The following UBR1 variants were observed in gnomAD, a reference collection of about 807,000 sequenced individuals.
The protein encoded by UBR1 is ubiquitin protein ligase E3 component n-recognin 1.
Under a neutral mutation model 242.1 loss-of-function variants are expected in UBR1, and 102 were observed. The observed-to-expected ratio is 0.42, with a 90% CI of 0.36 to 0.50. The LOEUF is 0.50. UBR1 is among the 20% of genes least tolerant of loss of function. UBR1 has a pLI of 0.01. For synonymous variants in UBR1, 675 were observed against 684.8 expected, an observed-to-expected ratio of 0.99 and a Z score of 0.22; for missense variants, 1,772 against 2,101.8, an observed-to-expected ratio of 0.84 and a Z score of 3.07.
chr15:43,099,124 G>A (rs2034196066), intron 1 of UBR1, among the ~76,000 whole-genome samples: 1 of 151,988 alleles, frequency 6.6e-6, no homozygotes, highest in Non-Finnish European at 1.5e-5. Context: ...ATCACCTGAG[G>A]TCAGGAGTTT....
intron 3 of UBR1, among the ~76,000 whole-genome samples, chr15:43,079,285 G>C (rs1362005735): frequency 6.6e-6 from 1 of 152,084 alleles, no homozygotes; most frequent in Non-Finnish European, 1.5e-5. Context: ...GGGCAACACA[G>C]TGAAACCTCG....
At chr15:42,961,173 G>A (rs1169728038) in intron 42 of UBR1, among the ~76,000 whole-genome samples, 1 of 147,616 alleles carries the variant, frequency 6.8e-6, no homozygotes, top group Non-Finnish European at 1.5e-5. Context: ...GGAGTGCAAT[G>A]GTGATCTCCA....
chr15:43,058,429 C>T lies in UBR1; in HGVS notation c.1094G>A (p.Gly365Asp). 1 of 1,608,918 alleles carries T rather than the reference C, an allele frequency of 6.2e-7. No individual in the cohort carries two copies. Residue 365 changes from glycine to aspartate, a missense_variant and splice_region_variant, in exon 10 of 47, where the codon GGT (glycine) becomes GAT (aspartate). Transcript: ENST00000290650. ...LMLWDAKLYK[G>D]ARKILHELIF... The stretch of plus-strand genomic sequence containing the variant: ...CAATTCATGAAGGATCTTACGGGCA[C>T]CTATAGATTATTTTGGGGAGGGTGG...
intron 32 of UBR1, among the ~76,000 whole-genome samples, chr15:43,001,246 A>G (rs1473037798): frequency 6.6e-6 from 1 of 151,548 alleles, no homozygotes; most frequent in Non-Finnish European, 1.5e-5. Context: ...TCCCAGGTTC[A>G]AGCAATTCTC....
At chr15:43,028,557 C>A (rs937014977) in intron 21 of UBR1, among the ~76,000 whole-genome samples, 50 of 151,336 alleles carry the variant, frequency 3.3e-4, no homozygotes, top group Non-Finnish European at 5.0e-4. Flanking sequence ...CCAGCCTGGC[C>A]AACATAGTGA....
chr15:43,027,881 C>T, intron 21 of UBR1, 53 bp from the exon 22 acceptor site: 1 of 1,380,016 alleles, frequency 7.2e-7, no homozygotes, highest in Non-Finnish European at 1.0e-6. Flanking sequence ...ACTTCCACCT[C>T]TCTGTGAAGT....
intron 6 of UBR1, 59 bp from the exon 7 acceptor site, chr15:43,060,173 A>G (rs1422846414): frequency 6.6e-6 from 10 of 1,514,608 alleles, no homozygotes; most frequent in African/African-American, 5.5e-5. Flanking sequence ...TCAATAAGCA[A>G]TATGTAGCCC....
Position 42,945,245 on chromosome 15 carries a change from C to G in UBR1, c.*84G>C. The G allele has an allele frequency of 6.3e-7, 1 of 1,592,004 alleles. No individual in the cohort carries two copies. The highest frequency in any genetic ancestry group is 8.6e-7 in the Non-Finnish European group (1 of 1,163,070). The stretch of plus-strand genomic sequence containing the variant: ...GAGCAAAAGACCCTCCAATACTTTC[C>G]CAGCCCTCAGAAAGTTTTCCATAAT... On this transcript the variant is annotated 3_prime_UTR_variant, in exon 47 of 47. Transcript: ENST00000290650.
At chr15:42,958,893 C>T (rs967416467) in intron 43 of UBR1, among the ~76,000 whole-genome samples, 2 of 152,158 alleles carry the variant, frequency 1.3e-5, no homozygotes, top group Non-Finnish European at 2.9e-5. Flanking sequence ...TGCAATGGTG[C>T]GATCTCGGCT....
chr15:43,002,690 A>G lies in UBR1; in HGVS notation c.3524T>C (p.Val1175Ala). 6.2e-7 allele frequency: 1 copy of G among 1,614,132 alleles called. No homozygotes were observed. ...AATGCGCTGCTGAGAGCTCAGCTGT[A>G]CAGCTTCAAAATACCTGCAAAATTA... ...AVCWQKYFEA[V>A]QLSSQQRIHV... Residue 1175 changes from valine (V) to alanine (A), a missense_variant, in exon 32 of 47, where the codon GTA (valine) becomes GCA (alanine). By Grantham distance (64) the Val-to-Ala change is moderately conservative. Transcript: ENST00000290650.
intron 46 of UBR1, among the ~76,000 whole-genome samples, chr15:42,946,590 C>G (rs1243109338): frequency 6.6e-6 from 1 of 152,174 alleles, no homozygotes; most frequent in Non-Finnish European, 1.5e-5. Flanking sequence ...TCTGTGTGAT[C>G]CAAGGTCCCA....
In UBR1 at chr15:42,963,901, A is replaced by G. The variant is rs759735329; in HGVS notation, c.4700+34T>C. On this transcript the variant is annotated intron_variant, in intron 42 of 46. Transcript: ENST00000290650. ...TAATTTTAAAATTTCAAATTGTATA[A>G]TAACCCAACAACAATATTTTATCCC... The G allele has an allele frequency of 2.7e-6, 4 of 1,499,496 alleles. No individual in the cohort carries two copies. In the East Asian group the frequency reaches 6.8e-5, roughly 25 times the overall value. 92.9% of individuals were successfully genotyped at this position (1,499,496 alleles called of 1,614,324 possible).
Position 43,030,072 on chromosome 15 carries a change from G to C in UBR1, c.2255-4C>G. ...ACTCCAGGTACATAACGCTCACCTA[G>C]TTCAAATAATTAAAAACAAAAAAAA... On this transcript the variant is annotated splice_polypyrimidine_tract_variant and splice_region_variant and intron_variant, in intron 20 of 46. Coordinates refer to ENST00000290650, the MANE Select transcript of UBR1 (RefSeq NM_174916.3). 6.2e-7 allele frequency: 1 copy of C among 1,613,076 alleles called. No individual in the cohort carries two copies. Among genetic ancestry groups the C allele is most frequent in the East Asian group, 2.2e-5 (1 of 44,842 alleles).
intron 30 of UBR1, among the ~76,000 whole-genome samples, chr15:43,004,823 G>T (rs7179275): frequency 0.028 from 4,212 of 148,538 alleles, 180 homozygotes; most frequent in African/African-American, 0.098. Flanking sequence ...GTGAGGAGCG[G>T]CTCTGCCTGG....
intron 26 of UBR1, among the ~76,000 whole-genome samples, chr15:43,021,755 G>C (rs987221123): frequency 6.6e-5 from 10 of 152,232 alleles, no homozygotes; most frequent in Admixed American, 6.5e-4. Flanking sequence ...CAGATATGGA[G>C]GGTCAATTAT....
intron 29 of UBR1, among the ~76,000 whole-genome samples, chr15:43,015,252 G>A (rs1016113157): frequency 2.0e-5 from 3 of 152,186 alleles, no homozygotes; most frequent in Non-Finnish European, 4.4e-5. Flanking sequence ...CTGTGTCTGT[G>A]TAGAAAGAAG....
At chr15:42,956,243 C>A (rs1324684672) in intron 44 of UBR1, among the ~76,000 whole-genome samples, 2 of 152,158 alleles carry the variant, frequency 1.3e-5, no homozygotes, top group African/African-American at 4.8e-5. Context: ...GGAGTGATAT[C>A]ATAGAAAATG....
intron 10 of UBR1, among the ~76,000 whole-genome samples, chr15:43,056,952 C>T (rs957439839): frequency 1.3e-5 from 2 of 152,194 alleles, no homozygotes; most frequent in East Asian, 3.9e-4. Context: ...GCAAAACAAC[C>T]CTGATATACT....
At chr15:43,000,060 G>A (rs189083821) in intron 32 of UBR1, among the ~76,000 whole-genome samples, 5 of 151,784 alleles carry the variant, frequency 3.3e-5, no homozygotes, top group East Asian at 1.9e-4. Flanking sequence ...AAATTTTTTC[G>A]TAAGTTTGTA....
Sources: allele counts gnomAD v4.1 joint callset (sites outside exome capture counted in the v4.1 genomes callset), GRCh38; gene constraint gnomAD v4.1.1; transcripts MANE v1.5; gene names NCBI Gene and HGNC (gene_info 2026-07-23, HGNC 2026-07-21).